Variants in CNTNAP2 observed in about 807,000 individuals in gnomAD.
CNTNAP2 encodes the protein contactin associated protein 2, also known as contactin-associated protein-like 2.
Under a neutral mutation model 155.2 loss-of-function variants are expected in CNTNAP2, and 98 were observed. The observed-to-expected ratio is 0.63, with a 90% CI of 0.54 to 0.75. The LOEUF is 0.75. Ranked by LOEUF, CNTNAP2 falls within the 30% of genes least tolerant of loss-of-function variation. CNTNAP2 has a pLI of 0.00. For synonymous variants in CNTNAP2, 651 were observed against 631.2 expected (o/e 1.03, Z -0.47); for missense variants, 1,727 against 1,688.1 (o/e 1.02, Z -0.40).
chr7:147,037,624 G>T (rs1799180795), intron 3 of CNTNAP2, among the ~76,000 whole-genome samples: 1 of 151,916 alleles, frequency 6.6e-6, no homozygotes, highest in Non-Finnish European at 1.5e-5. Context: ...ACCATGCCTG[G>T]CTAATTTTTT....
At chr7:146,170,613 A>T (rs1798376099) in intron 1 of CNTNAP2, among the ~76,000 whole-genome samples, 2 of 152,206 alleles carry the variant, frequency 1.3e-5, no homozygotes, top group Admixed American at 1.3e-4. Flanking sequence ...AATATTAAGA[A>T]AACTAATTTT....
intron 6 of CNTNAP2, among the ~76,000 whole-genome samples, chr7:147,124,561 A>G (rs551850095): frequency 1.5e-4 from 23 of 152,366 alleles, no homozygotes; most frequent in African/African-American, 5.5e-4. Context: ...CGGTATTTCC[A>G]TCATATAGTT....
chr7:147,473,102 G>A (rs528894247), intron 10 of CNTNAP2, among the ~76,000 whole-genome samples: 8 of 152,306 alleles, frequency 5.3e-5, no homozygotes, highest in African/African-American at 7.2e-5. Context: ...CTGAGAAAAC[G>A]GAGGTTGTGA....
intron 15 of CNTNAP2, among the ~76,000 whole-genome samples, chr7:148,083,623 G>A (rs1428754363): frequency 5.9e-5 from 9 of 152,096 alleles, no homozygotes; most frequent in Admixed American, 5.9e-4. Context: ...TTCCTTTTAT[G>A]CATGAAATAA....
intron 1 of CNTNAP2, among the ~76,000 whole-genome samples, chr7:146,355,787 G>A (rs1349641897): frequency 2.0e-5 from 3 of 152,020 alleles, no homozygotes; most frequent in Admixed American, 6.6e-5. Context: ...GTGTTGGTGG[G>A]TATAGGAGTG....
At chr7:146,537,459 A>G (rs1797886313) in intron 1 of CNTNAP2, among the ~76,000 whole-genome samples, 10 of 152,076 alleles carry the variant, frequency 6.6e-5, no homozygotes, top group Admixed American at 6.6e-4. Context: ...AAAAAAAAGT[A>G]AAATTGTAAA....
chr7:147,642,620 T>G lies in CNTNAP2; in HGVS notation c.2098+3314T>G, dbSNP rs190376336. Among the ~76,000 whole-genome samples, 11 of 152,264 alleles carry G rather than the reference T, an allele frequency of 7.2e-5. No homozygotes were observed. The East Asian group carries it at 2.1e-3, about 29-fold the overall frequency. ...CTCTGTTAGTTGCATTTCCTAATAA[T>G]GAGATGAAGACATTTTTCTTTAACC... On this transcript the variant is annotated intron_variant, in intron 13 of 23. Coordinates refer to ENST00000361727, the MANE Select transcript of CNTNAP2 (RefSeq NM_014141.6).
intron 1 of CNTNAP2, among the ~76,000 whole-genome samples, chr7:146,665,493 A>T (rs1800174259): frequency 6.6e-6 from 1 of 151,592 alleles, no homozygotes; most frequent in Non-Finnish European, 1.5e-5. Context: ...TTTTTAAGAT[A>T]CATTTCGGCT....
intron 10 of CNTNAP2, among the ~76,000 whole-genome samples, chr7:147,414,941 C>T (rs1311323430): frequency 2.0e-5 from 1 of 50,980 alleles, no homozygotes; most frequent in Non-Finnish European, 3.8e-5. Context: ...GACTCCTTCT[C>T]AAAAAAAAAA....
intron 10 of CNTNAP2, among the ~76,000 whole-genome samples, chr7:147,408,633 C>T (rs1436367046): frequency 1.3e-5 from 2 of 152,162 alleles, no homozygotes; most frequent in African/African-American, 2.4e-5. Context: ...TGGCGGGCGC[C>T]TGTAGTCCCA....
intron 14 of CNTNAP2, among the ~76,000 whole-genome samples, chr7:147,969,985 G>A (rs868740062): frequency 5.3e-5 from 8 of 149,994 alleles, no homozygotes; most frequent in African/African-American, 7.4e-5. Context: ...GCTGGAGTGC[G>A]GTGGTGTAAC....
At chr7:146,264,327 C>T (rs1799962100) in intron 1 of CNTNAP2, among the ~76,000 whole-genome samples, 1 of 151,968 alleles carries the variant, frequency 6.6e-6, no homozygotes, top group Non-Finnish European at 1.5e-5. Context: ...TGGCGGGCGC[C>T]TGTAATCCCA....
chr7:148,330,804 T>TGGAG (rs1797982769), intron 21 of CNTNAP2, among the ~76,000 whole-genome samples: 2 of 121,970 alleles, frequency 1.6e-5, no homozygotes, highest in South Asian at 2.7e-4. Context: ...GATGGATGGA[T>TGGAG]GGATGGAGTG....
chr7:146,210,314 G>A (rs1490083340), intron 1 of CNTNAP2, among the ~76,000 whole-genome samples: 1 of 152,140 alleles, frequency 6.6e-6, no homozygotes, highest in African/African-American at 2.4e-5. Flanking sequence ...GAGTGATGTA[G>A]TACACAAAAG....
intron 1 of CNTNAP2, among the ~76,000 whole-genome samples, chr7:146,460,290 A>G (rs1234925363): frequency 2.6e-5 from 4 of 152,226 alleles, no homozygotes; most frequent in African/African-American, 9.6e-5. Flanking sequence ...GTTAACAAGC[A>G]TGTGGAGAAA....
intron 18 of CNTNAP2, among the ~76,000 whole-genome samples, chr7:148,193,526 C>A (rs1426849920): frequency 6.6e-6 from 1 of 151,986 alleles, no homozygotes; most frequent in African/African-American, 2.4e-5. Flanking sequence ...GGCAAGTGTG[C>A]CTGGGGCCCA....
intron 1 of CNTNAP2, among the ~76,000 whole-genome samples, chr7:146,667,361 C>A (rs1294660983): frequency 6.6e-6 from 1 of 152,074 alleles, no homozygotes; most frequent in African/African-American, 2.4e-5. Flanking sequence ...ATGCCAGTAC[C>A]ATGCTGTTTT....
At chr7:147,362,948 A>G (rs1199060389) in intron 9 of CNTNAP2, among the ~76,000 whole-genome samples, 1 of 152,224 alleles carries the variant, frequency 6.6e-6, no homozygotes, top group African/African-American at 2.4e-5. Context: ...CAGAGTTGAT[A>G]ACAATATATG....
intron 14 of CNTNAP2, among the ~76,000 whole-genome samples, chr7:147,966,028 T>C (rs944599447): frequency 6.6e-6 from 1 of 152,076 alleles, no homozygotes; most frequent in Admixed American, 6.6e-5. Context: ...TTGTATCCAC[T>C]AGGGGAGCAA....
Sources: allele counts gnomAD v4.1 joint callset (sites outside exome capture counted in the v4.1 genomes callset), GRCh38; gene constraint gnomAD v4.1.1; transcripts MANE v1.5; gene names NCBI Gene and HGNC (gene_info 2026-07-23, HGNC 2026-07-21).